The following DACH2 variants were observed in gnomAD, a reference collection of about 807,000 sequenced individuals.
DACH2 encodes the protein dachshund family transcription factor 2.
In DACH2, 17 loss-of-function variants were observed where a neutral mutation model predicts 35.8. The ratio of observed to expected loss-of-function variants is 0.48; its 90% CI spans 0.33 to 0.71. The LOEUF is 0.71. Ranked by LOEUF, DACH2 falls within the 30% of genes least tolerant of loss-of-function variation. The pLI is 0.02. For synonymous variants in DACH2, 195 were observed against 177.3 expected (o/e 1.10, Z -0.79); for missense variants, 469 against 472.7 (o/e 0.99, Z 0.07).
chrX:86,617,030 C>A (rs1032615596), intron 3 of DACH2, among the ~76,000 whole-genome samples: 6 of 111,777 alleles, frequency 5.4e-5, no homozygotes, highest in African/African-American at 1.6e-4. Context: ...GAGTTCTTTC[C>A]CCATTGTTTT....
At chrX:86,586,486 C>G (rs2039572224) in intron 3 of DACH2, among the ~76,000 whole-genome samples, 1 of 111,557 alleles carries the variant, frequency 9.0e-6, no homozygotes. Flanking sequence ...GAAACCTTTG[C>G]CAGGTCCTAT....
chrX:86,437,814 G>A (rs976624802), intron 2 of DACH2, among the ~76,000 whole-genome samples: 5 of 107,543 alleles, frequency 4.6e-5, no homozygotes, highest in African/African-American at 6.8e-5. Context: ...ATTACTGGTA[G>A]TTTTTTTAGT....
At chrX:86,765,059 C>T (rs778160781) in intron 7 of DACH2, among the ~76,000 whole-genome samples, 2 of 111,552 alleles carry the variant, frequency 1.8e-5, no homozygotes, top group African/African-American at 6.5e-5. Flanking sequence ...GTCCTTTTCC[C>T]ATTTTTAAGT....
chrX:86,613,998 A>C (rs1369117810), intron 3 of DACH2, among the ~76,000 whole-genome samples: 1 of 112,218 alleles, frequency 8.9e-6, no homozygotes, highest in Non-Finnish European at 1.9e-5. Context: ...GCACATATTC[A>C]AATATTAAAA....
chrX:86,148,890 C>T lies in DACH2; in HGVS notation c.270C>T (p.Cys90=). 8.3e-7 allele frequency: 1 copy of T among 1,211,162 alleles called. No individual in the cohort carries two copies. Among genetic ancestry groups the T allele is most frequent in the Non-Finnish European group, 1.1e-6 (1 of 895,450 alleles). The change falls in exon 1 of 12, where the codon TGC becomes TGT. Residue 90 remains cysteine, a synonymous_variant. Transcript: ENST00000373125. ...TGATGGACGGCCAGGAACTGATCTG[C>T]CTGCCGCAAGTCTTTGATCTTTTTC... ...SFLMDGQELI[C]LPQVFDLFLK... is the part of the protein sequence containing the mutation.
At position 86,254,807 on chromosome X, in the gene DACH2, T is replaced by TATAGAGAGAG. The variant is rs1380613474; in HGVS notation, c.488+105700_488+105701insTAGAGAGAGA. ...ATATATATATATATATATATATATA[T>TATAGAGAGAG]AGAGAGAGAGAGAGAGAGAGAGAGA... is the stretch of plus-strand genomic sequence containing the variant. On this transcript the variant is annotated intron_variant, in intron 1 of 11. Coordinates refer to ENST00000373125, the MANE Select transcript of DACH2 (RefSeq NM_053281.3). Among the ~76,000 whole-genome samples the TATAGAGAGAG allele has an allele frequency of 1.1e-3, 53 of 49,646 alleles. 2 individuals carry two copies. The highest frequency in any genetic ancestry group is 3.6e-3 in the African/African-American group (31 of 8,541). 43.1% of individuals were successfully genotyped at this position (49,646 alleles called of 115,157 possible).
chrX:86,619,417 G>A (rs2040044163), intron 3 of DACH2, among the ~76,000 whole-genome samples: 1 of 112,117 alleles, frequency 8.9e-6, no homozygotes, highest in Non-Finnish European at 1.9e-5. Context: ...ATATTCTCAT[G>A]TGAATTTTTT....
chrX:86,574,129 G>A (rs1400431615), intron 3 of DACH2, among the ~76,000 whole-genome samples: 2 of 111,377 alleles, frequency 1.8e-5, no homozygotes, highest in African/African-American at 6.5e-5. Context: ...TGCCATGATG[G>A]AATTGAAGTT....
At chrX:86,598,268 G>A (rs2039738603) in intron 3 of DACH2, among the ~76,000 whole-genome samples, 1 of 111,361 alleles carries the variant, frequency 9.0e-6, no homozygotes, top group Non-Finnish European at 1.9e-5. Context: ...TTTATTGCTG[G>A]TAACATTTTA....
intron 4 of DACH2, among the ~76,000 whole-genome samples, chrX:86,657,177 AC>A (rs1430037835): frequency 1.8e-5 from 2 of 109,279 alleles, no homozygotes; most frequent in Non-Finnish European, 3.8e-5. Context: ...ATGTGCTAGC[AC>A]AACAGGGATA....
At chrX:86,531,991 G>GCTTTA in intron 3 of DACH2, among the ~76,000 whole-genome samples, 1 of 113,171 alleles carries the variant, frequency 8.8e-6, no homozygotes, top group South Asian at 3.6e-4. Context: ...ATATTTTAGA[G>GCTTTA]CTTTAGGATT....
intron 3 of DACH2, among the ~76,000 whole-genome samples, chrX:86,587,789 G>A (rs1429292538): frequency 9.0e-6 from 1 of 111,592 alleles, no homozygotes; most frequent in Non-Finnish European, 1.9e-5. Flanking sequence ...TGAATGCATA[G>A]TTTGCAAATA....
chrX:86,652,237 A>T (rs2040485505), intron 4 of DACH2, among the ~76,000 whole-genome samples: 1 of 111,934 alleles, frequency 8.9e-6, no homozygotes, highest in Admixed American at 9.5e-5. Context: ...GCCATGGATA[A>T]TGGCCTCACT....
intron 2 of DACH2, among the ~76,000 whole-genome samples, chrX:86,508,536 G>T (rs989452776): frequency 1.8e-5 from 2 of 108,519 alleles, no homozygotes; most frequent in East Asian, 5.9e-4. Flanking sequence ...CTCCAGCCTG[G>T]GTGACAGAGT....
rs909567040 is a variant in DACH2, at chrX:86,424,388, T to C, written c.527+47526T>C. ...AATCAGTGTTTTGCAGTTTACATTA[T>C]GGAGATCATTTACTTCTTCAGTTAA... is the stretch of plus-strand genomic sequence containing the variant. On this transcript the variant is annotated intron_variant, in intron 2 of 11. Transcript: ENST00000373125. 2.7e-5 allele frequency among the ~76,000 whole-genome samples: 3 copies of C among 110,896 alleles called. No individual in the cohort carries two copies. The South Asian group carries it at 1.1e-3, about 41-fold the overall frequency.
chrX:86,757,728 C>T (rs2041842448), intron 7 of DACH2, among the ~76,000 whole-genome samples: 1 of 111,794 alleles, frequency 8.9e-6, no homozygotes. Context: ...TCACTTTCTC[C>T]TCCTCCTGCT....
At chrX:86,238,368 T>C (rs1161613198) in intron 1 of DACH2, among the ~76,000 whole-genome samples, 1 of 111,999 alleles carries the variant, frequency 8.9e-6, no homozygotes, top group East Asian at 2.8e-4. Flanking sequence ...TTTGTCTTTA[T>C]TGGAAGGCCT....
intron 1 of DACH2, among the ~76,000 whole-genome samples, chrX:86,195,371 G>C (rs758061625): frequency 7.2e-5 from 8 of 111,005 alleles, no homozygotes; most frequent in African/African-American, 2.6e-4. Flanking sequence ...CCCCCACCCT[G>C]AGTTACTCTG....
intron 1 of DACH2, among the ~76,000 whole-genome samples, chrX:86,311,240 T>C (rs909451278): frequency 4.5e-5 from 5 of 112,202 alleles, no homozygotes; most frequent in South Asian, 7.5e-4. Context: ...TTACCATCCA[T>C]GGACTCACGG....
Sources: allele counts gnomAD v4.1 joint callset (sites outside exome capture counted in the v4.1 genomes callset), GRCh38; gene constraint gnomAD v4.1.1; transcripts MANE v1.5; gene names NCBI Gene and HGNC (gene_info 2026-07-23, HGNC 2026-07-21).